PCDH7: variants seen among roughly 807,000 people sequenced by gnomAD.
The protein encoded by PCDH7 is protocadherin 7.
PCDH7 carries 17 observed loss-of-function variants against 58.9 expected under a neutral mutation model. The observed-to-expected ratio is 0.29, with a 90% CI of 0.20 to 0.43. The LOEUF is 0.43. Ranked by LOEUF, PCDH7 falls within the 20% of genes least tolerant of loss-of-function variation. PCDH7 has a pLI of 1.00. For missense variants in PCDH7, 1,274 were observed against 1,441.0 expected (o/e 0.88, Z 1.88); for synonymous variants, 664 against 616.4 (o/e 1.08, Z -1.14).
intron 1 of PCDH7, among the ~76,000 whole-genome samples, chr4:30,738,944 C>T (rs923799076): frequency 1.3e-5 from 2 of 151,830 alleles, no homozygotes; most frequent in Non-Finnish European, 2.9e-5. Context: ...TGGTACCACG[C>T]TCTGAGTGAC....
chr4:30,876,377 T>C (rs1164157789), intron 1 of PCDH7, among the ~76,000 whole-genome samples: 1 of 152,120 alleles, frequency 6.6e-6, no homozygotes, highest in Non-Finnish European at 1.5e-5. Flanking sequence ...ATTACATTTT[T>C]ATACTTAAGA....
intron 2 of PCDH7, among the ~76,000 whole-genome samples, chr4:30,943,565 C>T (rs1359280597): frequency 6.6e-6 from 1 of 152,128 alleles, no homozygotes; most frequent in Non-Finnish European, 1.5e-5. Flanking sequence ...GCCTTTCTTT[C>T]ATCAGAGTGG....
At chr4:30,970,672 T>C (rs1749508179) in intron 3 of PCDH7, among the ~76,000 whole-genome samples, 1 of 152,194 alleles carries the variant, frequency 6.6e-6, no homozygotes, top group Admixed American at 6.5e-5. Context: ...AAGGTTTTTT[T>C]TTGTTTGTTT....
At chr4:31,034,529 G>A (rs6448736) in intron 3 of PCDH7, among the ~76,000 whole-genome samples, 1 of 151,650 alleles carries the variant, frequency 6.6e-6, no homozygotes, top group Non-Finnish European at 1.5e-5. Context: ...CAACTAAAGC[G>A]TAGCCGCTCA....
chr4:31,132,101 A>G (rs534814357), intron 3 of PCDH7, among the ~76,000 whole-genome samples: 2 of 152,278 alleles, frequency 1.3e-5, no homozygotes, highest in East Asian at 3.9e-4. Flanking sequence ...CTTTCTTAAG[A>G]CATCCCCTAC....
intron 3 of PCDH7, among the ~76,000 whole-genome samples, chr4:30,995,239 C>G (rs1436421753): frequency 2.6e-5 from 4 of 152,032 alleles, no homozygotes; most frequent in African/African-American, 9.7e-5. Flanking sequence ...GAATGACGGC[C>G]CAGCACGGTG....
intron 3 of PCDH7, among the ~76,000 whole-genome samples, chr4:30,959,228 T>G (rs1036256702): frequency 2.7e-5 from 4 of 150,788 alleles, no homozygotes; most frequent in African/African-American, 7.3e-5. Flanking sequence ...AAAAGGAACA[T>G]TTTAGCAATT....
At chr4:31,015,290 A>G (rs546115740) in intron 3 of PCDH7, among the ~76,000 whole-genome samples, 5 of 152,318 alleles carry the variant, frequency 3.3e-5, no homozygotes, top group African/African-American at 4.8e-5. Context: ...TCCAATCCAC[A>G]TCGCACTTTA....
At chr4:30,973,268 G>A (rs1749767293) in intron 3 of PCDH7, among the ~76,000 whole-genome samples, 1 of 152,194 alleles carries the variant, frequency 6.6e-6, no homozygotes, top group Non-Finnish European at 1.5e-5. Flanking sequence ...AGTGAAGACA[G>A]AATGAGCAGA....
intron 3 of PCDH7, among the ~76,000 whole-genome samples, chr4:31,021,605 T>C (rs981941035): frequency 8.5e-5 from 13 of 152,136 alleles, no homozygotes; most frequent in African/African-American, 3.1e-4. Context: ...CCAGATTCCT[T>C]ACCTCTTGTA....
chr4:31,135,865 AT>A (rs983310257), intron 3 of PCDH7, among the ~76,000 whole-genome samples: 4 of 152,192 alleles, frequency 2.6e-5, no homozygotes, highest in African/African-American at 9.7e-5. Context: ...TTCCTAAGAT[AT>A]TTTGAAGACT....
At chr4:30,749,252 A>C (rs557561821) in intron 1 of PCDH7, among the ~76,000 whole-genome samples, 39 of 152,206 alleles carry the variant, frequency 2.6e-4, no homozygotes, top group Non-Finnish European at 4.7e-4. Flanking sequence ...TCAGATACTA[A>C]TGGAAATATT....
chr4:30,932,443 T>C (rs960208861), intron 2 of PCDH7, among the ~76,000 whole-genome samples: 27 of 152,356 alleles, frequency 1.8e-4, no homozygotes, highest in African/African-American at 6.5e-4. Flanking sequence ...ATTATTTCTT[T>C]GTGTTCATTT....
At chr4:31,131,389 T>G (rs1718968949) in intron 3 of PCDH7, among the ~76,000 whole-genome samples, 1 of 152,212 alleles carries the variant, frequency 6.6e-6, no homozygotes, top group East Asian at 1.9e-4. Context: ...TTCCTTTTCC[T>G]TTTATTTACC....
In PCDH7 at chr4:31,058,989, T is replaced by C. The variant is rs563256173; in HGVS notation, c.*8-83484T>C. Among the ~76,000 whole-genome samples the C allele has an allele frequency of 2.0e-5, 3 of 152,158 alleles. 1 individual carries two copies. Among genetic ancestry groups the C allele is most frequent in the Admixed American group, 2.0e-4 (3 of 15,272 alleles). ...TTTATTGGGTAAAAGTCATAGGCTC[T>C]AATTCAATACTTAAGAGAAATTGAA... On this transcript the variant is annotated intron_variant, in intron 3 of 3. Transcript: ENST00000509759.
At chr4:30,818,500 A>G (rs953153896) in intron 1 of PCDH7, among the ~76,000 whole-genome samples, 2 of 152,116 alleles carry the variant, frequency 1.3e-5, no homozygotes, top group African/African-American at 4.8e-5. Context: ...TCTCCCTGTA[A>G]TGAGAGAGCA....
At chr4:30,931,108 GAAGA>G (rs1455874197) in intron 2 of PCDH7, among the ~76,000 whole-genome samples, 1 of 152,176 alleles carries the variant, frequency 6.6e-6, no homozygotes, top group Admixed American at 6.5e-5. Context: ...ATTGATTAAT[GAAGA>G]GAGTTAGGAC....
intron 1 of PCDH7, among the ~76,000 whole-genome samples, chr4:30,817,712 G>A (rs1025189622): frequency 4.0e-5 from 6 of 151,876 alleles, no homozygotes; most frequent in Non-Finnish European, 8.8e-5. Flanking sequence ...TTCAGATCAG[G>A]TCATGCATGT....
chr4:31,101,186 TAA>T (rs529720376), intron 3 of PCDH7, among the ~76,000 whole-genome samples: 1 of 152,192 alleles, frequency 6.6e-6, no homozygotes, highest in Non-Finnish European at 1.5e-5. Context: ...GAAAAAATGT[TAA>T]GTCAATTATA....
Sources: allele counts gnomAD v4.1 joint callset (sites outside exome capture counted in the v4.1 genomes callset), GRCh38; gene constraint gnomAD v4.1.1; transcripts MANE v1.5; gene names NCBI Gene and HGNC (gene_info 2026-07-23, HGNC 2026-07-21).